The following GLTP variants were observed in gnomAD, a reference collection of about 807,000 sequenced individuals.
The protein encoded by GLTP is glycolipid transfer protein.
In GLTP, 22 loss-of-function variants were observed where a neutral mutation model predicts 24.0. The ratio of observed to expected loss-of-function variants is 0.92; its 90% CI spans 0.65 to 1.31. GLTP has a LOEUF of 1.31. GLTP is among the 50% of genes most tolerant of loss of function. The pLI, the probability that GLTP is intolerant of heterozygous loss-of-function variation, is 0.00. For synonymous variants in GLTP, 92 were observed against 115.9 expected (o/e 0.79, Z 1.33); for missense variants, 224 against 276.6 (o/e 0.81, Z 1.35).
At chr12:109,873,036 G>C (rs1465267759) in intron 1 of GLTP, among the ~76,000 whole-genome samples, 1 of 152,022 alleles carries the variant, frequency 6.6e-6, no homozygotes, top group East Asian at 1.9e-4. Context: ...GTTTTGTTTT[G>C]GTTTTTAGCT....
chr12:109,861,518 G>A (rs1005272151), intron 1 of GLTP, among the ~76,000 whole-genome samples: 1 of 152,224 alleles, frequency 6.6e-6, no homozygotes, highest in Non-Finnish European at 1.5e-5. Context: ...GGGAGGCCAA[G>A]GCGGGCGGAT....
At chr12:109,861,047 T>C (rs73202469) in intron 1 of GLTP, among the ~76,000 whole-genome samples, 13,016 of 152,130 alleles carry the variant, frequency 0.086, 610 homozygotes, top group Middle Eastern at 0.13. Context: ...CAGAGCAGGC[T>C]AGAGGTGGGT....
chr12:109,853,691 A>C (rs907206581), intron 4 of GLTP, among the ~76,000 whole-genome samples: 1 of 151,798 alleles, frequency 6.6e-6, no homozygotes, highest in Non-Finnish European at 1.5e-5. Flanking sequence ...CCGTTTCAAA[A>C]AAAAAAAAAA....
At chr12:109,860,760 G>A (rs985095762) in intron 1 of GLTP, among the ~76,000 whole-genome samples, 5 of 152,198 alleles carry the variant, frequency 3.3e-5, no homozygotes, top group Non-Finnish European at 5.9e-5. Flanking sequence ...GCCTGGCAGT[G>A]CCTAGGACTG....
At chr12:109,858,348 G>C (rs191823638) in intron 2 of GLTP, among the ~76,000 whole-genome samples, 37 of 152,350 alleles carry the variant, frequency 2.4e-4, no homozygotes, top group Middle Eastern at 3.4e-3. Flanking sequence ...TACCAGGATT[G>C]GAGAAGGGGA....
Position 109,855,533 on chromosome 12 carries a change from G to T in GLTP, c.447+86C>A. 8.0e-7 allele frequency: 1 copy of T among 1,251,518 alleles called. No homozygotes were observed. Among genetic ancestry groups the T allele is most frequent in the Non-Finnish European group, 1.1e-6 (1 of 902,664 alleles). 77.5% of individuals were successfully genotyped at this position (1,251,518 alleles called of 1,614,324 possible). On this transcript the variant is annotated intron_variant, in intron 4 of 4. Coordinates refer to ENST00000318348, the MANE Select transcript of GLTP (RefSeq NM_016433.4). The surrounding 1 kb of genome is among the most constrained non-coding windows in gnomAD (Gnocchi z 4.1). ...CGAGGGGGTAAACACAGCCTCACAG[G>T]CCAGGAGGCCTCGGCTAAGCAGGGG...
intron 1 of GLTP, among the ~76,000 whole-genome samples, chr12:109,876,807 C>T (rs1868899963): frequency 6.6e-6 from 1 of 152,200 alleles, no homozygotes; most frequent in South Asian, 2.1e-4. Flanking sequence ...GGGTCTCACT[C>T]TGTCAACCAG....
At chr12:109,879,795 G>C (rs1869008744) in intron 1 of GLTP, among the ~76,000 whole-genome samples, 2 of 152,146 alleles carry the variant, frequency 1.3e-5, no homozygotes, top group Admixed American at 1.3e-4. Context: ...GGTCCCATGA[G>C]GGAGAGGCTG....
In GLTP at chr12:109,860,913, T is replaced by C. The variant is rs115253031; in HGVS notation, c.104-2172A>G. ...GGTTCTTTACTGAGCAGGCTAGATG[T>C]GGACTTTACCTTTGAGCCTGAAGAC... On this transcript the variant is annotated intron_variant, in intron 1 of 4. Coordinates refer to ENST00000318348, the MANE Select transcript of GLTP (RefSeq NM_016433.4). Among the ~76,000 whole-genome samples the C allele has an allele frequency of 1.4e-3, 216 of 152,318 alleles. 1 individual carries two copies. Among genetic ancestry groups the C allele is most frequent in the African/African-American group, 5.0e-3 (207 of 41,576 alleles).
At position 109,851,960 on chromosome 12, in the gene GLTP, G is replaced by T. The variant is rs1193367823; in HGVS notation, c.*595C>A. Reference sequence around the variant, plus strand: ...CCTCCCGGGTTCAAGCGATTCTCCTGCCTCAGCCTCCTGAGTAGCTGGAAC... The same window carrying T: ...CCTCCCGGGTTCAAGCGATTCTCCTTCCTCAGCCTCCTGAGTAGCTGGAAC... On this transcript the variant is annotated 3_prime_UTR_variant, in exon 5 of 5. Transcript: ENST00000318348. The T allele has an allele frequency of 2.0e-5, 3 of 152,120 alleles. No individual in the cohort carries two copies. Among genetic ancestry groups the T allele is most frequent in the Admixed American group, 2.0e-4 (3 of 15,232 alleles). The allele number at this position is 152,120 out of a possible 1,614,324, so 9.4% of individuals were successfully genotyped here. A position where few individuals can be genotyped will look rare whatever the true frequency, so the allele number is the denominator to read the frequency against.
intron 1 of GLTP, among the ~76,000 whole-genome samples, chr12:109,877,044 G>C (rs1000544389): frequency 6.6e-6 from 1 of 152,186 alleles, no homozygotes; most frequent in Non-Finnish European, 1.5e-5. Context: ...GGTAGAGACA[G>C]GGTTTCGCCA....
chr12:109,855,396 T>A lies in GLTP; in HGVS notation c.447+223A>T, dbSNP rs1892780972. ...GCCCCTAAAGAGAAACACCGTGGAG[T>A]AGCTACAGTGACACCCGCTGCAGCT... is the stretch of plus-strand genomic sequence containing the variant. On this transcript the variant is annotated intron_variant, in intron 4 of 4. Transcript: ENST00000318348. The surrounding 1 kb of genome is among the most constrained non-coding windows in gnomAD (Gnocchi z 4.1). Among the ~76,000 whole-genome samples, 1 of 151,862 alleles carries A rather than the reference T, an allele frequency of 6.6e-6. No homozygotes were observed. The highest frequency in any genetic ancestry group is 2.4e-5 in the African/African-American group (1 of 41,320).
chr12:109,877,600 C>T (rs570212492), intron 1 of GLTP, among the ~76,000 whole-genome samples: 1 of 152,268 alleles, frequency 6.6e-6, no homozygotes, highest in Non-Finnish European at 1.5e-5. Context: ...AAGAATGAGC[C>T]AGCCCCAAAT....
chr12:109,873,548 C>A (rs1416856001), intron 1 of GLTP, among the ~76,000 whole-genome samples: 2 of 149,762 alleles, frequency 1.3e-5, no homozygotes, highest in African/African-American at 2.5e-5. Context: ...CCAGGAGAAT[C>A]ACTTGAACCC....
intron 1 of GLTP, among the ~76,000 whole-genome samples, chr12:109,870,269 C>G (rs1047609899): frequency 6.6e-5 from 10 of 152,180 alleles, no homozygotes; most frequent in African/African-American, 2.4e-4. Flanking sequence ...AGTTCAAGAC[C>G]AGCCTGGCCA....
intron 1 of GLTP, among the ~76,000 whole-genome samples, chr12:109,873,598 C>T (rs1166164369): frequency 6.9e-6 from 1 of 145,856 alleles, no homozygotes; most frequent in East Asian, 2.0e-4. Context: ...CGTGCCACTG[C>T]ACTCCAGCCT....
At chr12:109,862,914 T>A (rs1868410723) in intron 1 of GLTP, among the ~76,000 whole-genome samples, 1 of 151,930 alleles carries the variant, frequency 6.6e-6, no homozygotes, top group Non-Finnish European at 1.5e-5. Flanking sequence ...TAGCCAGGTG[T>A]GGTGGTGCAT....
At chr12:109,858,953 C>T (rs900840227) in intron 1 of GLTP, among the ~76,000 whole-genome samples, 1 of 152,200 alleles carries the variant, frequency 6.6e-6, no homozygotes, top group African/African-American at 2.4e-5. Context: ...AATGAGGCTA[C>T]AGCACCAACC....
At chr12:109,870,803 G>A (rs1295419217) in intron 1 of GLTP, among the ~76,000 whole-genome samples, 7 of 152,160 alleles carry the variant, frequency 4.6e-5, no homozygotes, top group African/African-American at 1.4e-4. Context: ...TGGAGGAACA[G>A]CAAGGCAGAA....
Sources: gnomAD v4.1 joint callset for allele counts (sites outside exome capture counted in the v4.1 genomes callset) on GRCh38, gnomAD v4.1.1 for gene constraint, Gnocchi (gnomAD v3.1) non-coding constraint, MANE v1.5 for transcripts, NCBI Gene and HGNC (gene_info 2026-07-23, HGNC 2026-07-21) for gene names.